The following OR51B5 variants were observed in gnomAD, a reference collection of about 807,000 sequenced individuals.
OR51B5 encodes olfactory receptor 51B5.
For missense variants in OR51B5, 456 were observed against 374.6 expected, an observed-to-expected ratio of 1.22 and a Z score of -1.79; for synonymous variants, 186 against 144.8, an observed-to-expected ratio of 1.28 and a Z score of -2.04.
At chr11:5,422,880 T>A in intron 1 of OR51B5, 2 of 1,614,116 alleles carry the variant, frequency 1.2e-6, no homozygotes, top group South Asian at 1.1e-5. Context: ...CTGAAAAATA[T>A]CTTGGGCACA....
intron 1 of OR51B5, among the ~76,000 whole-genome samples, chr11:5,477,535 C>T (rs1011854773): frequency 1.1e-4 from 16 of 152,296 alleles, no homozygotes; most frequent in South Asian, 2.1e-4. Flanking sequence ...GGAACAGCTC[C>T]GGTCTACAGC....
chr11:5,389,553 C>T, intron 1 of OR51B5: 1 of 1,613,968 alleles, frequency 6.2e-7, no homozygotes. Flanking sequence ...GTTGCCATCT[C>T]AGGCAATTGT....
rs10688772 is a variant in OR51B5, at chr11:5,349,404, G to GTTT, written n.85-2497_85-2495dup. The stretch of plus-strand genomic sequence containing the variant: ...TTCCCTATCTGGTATTCCTACTCCT[G>GTTT]TTTTTTTTTAATTTATCAATTATAT... On this transcript the variant is annotated intron_variant and non_coding_transcript_variant, in intron 1 of 4. Transcript: ENST00000415970. Among the ~76,000 whole-genome samples the GTTT allele has an allele frequency of 1.6e-3, 244 of 150,558 alleles. 3 individuals carry two copies. The South Asian group carries it at 0.023, about 14-fold the overall frequency.
intron 1 of OR51B5, among the ~76,000 whole-genome samples, chr11:5,418,294 T>C (rs1262203583): frequency 6.6e-6 from 1 of 151,992 alleles, no homozygotes; most frequent in African/African-American, 2.4e-5. Flanking sequence ...TTGGGAGATA[T>C]ACCTAATGCT....
At position 5,351,587 on chromosome 11, in the gene OR51B5, T is replaced by C. The variant is rs1849088016; in HGVS notation, n.85-4677A>G. On this transcript the variant is annotated intron_variant and non_coding_transcript_variant, in intron 1 of 4. Coordinates refer to the OR51B5 transcript ENST00000415970. ...GAGAAGGCACATCACTGGATATTCA[T>C]CCCATTATTGGCAGCCTACATCTCC... 3.7e-6 allele frequency: 6 copies of C among 1,614,012 alleles called. No homozygotes were observed. In the African/African-American group the frequency reaches 6.7e-5, roughly 18 times the overall value.
intron 1 of OR51B5, among the ~76,000 whole-genome samples, chr11:5,460,133 A>C (rs1851026054): frequency 6.6e-6 from 1 of 152,204 alleles, no homozygotes. Flanking sequence ...ATTCTTAGCA[A>C]ACTAATGCAG....
Position 5,358,433 on chromosome 11 carries a change from A to C in OR51B5, n.85-11523T>G, listed in dbSNP as rs534863198. Among the ~76,000 whole-genome samples, 183 of 152,346 alleles carry C rather than the reference A, an allele frequency of 1.2e-3. 1 individual carries two copies. The highest frequency in any genetic ancestry group is 4.2e-3 in the African/African-American group (173 of 41,586). On this transcript the variant is annotated intron_variant and non_coding_transcript_variant, in intron 1 of 4. Transcript: ENST00000415970. ...TCCTTGACACATACACCCTCCCAAG[A>C]CTAAACCAGGAAGAAGTTGAATCTC...
At chr11:5,453,653 C>T (rs543574678) in intron 1 of OR51B5, 6 of 1,613,468 alleles carry the variant, frequency 3.7e-6, no homozygotes, top group Non-Finnish European at 5.1e-6. Flanking sequence ...AGCCCAGCCT[C>T]CATGAGCCCA....
chr11:5,372,184 G>T (rs115363681), intron 1 of OR51B5, among the ~76,000 whole-genome samples: 32 of 152,266 alleles, frequency 2.1e-4, no homozygotes, highest in African/African-American at 7.5e-4. Context: ...ATACCACTTA[G>T]ATTGTTTCCA....
chr11:5,495,009 T>G (rs1851628180), intron 1 of OR51B5, among the ~76,000 whole-genome samples: 1 of 152,114 alleles, frequency 6.6e-6, no homozygotes, highest in Non-Finnish European at 1.5e-5. Context: ...GAAGGGACAT[T>G]AGCAACATAA....
chr11:5,387,456 C>T (rs545618381), intron 1 of OR51B5, among the ~76,000 whole-genome samples: 2 of 152,070 alleles, frequency 1.3e-5, no homozygotes, highest in South Asian at 4.1e-4. Flanking sequence ...TAAATGTGGA[C>T]TATTTTTTAC....
At chr11:5,347,532 T>C (rs145054543), upstream of OR51B5, among the ~76,000 whole-genome samples, 1 of 152,216 alleles carries the variant, frequency 6.6e-6, no homozygotes, top group African/African-American at 2.4e-5. Context: ...CACTTTGTGA[T>C]GGCAATTATT....
intron 1 of OR51B5, among the ~76,000 whole-genome samples, chr11:5,494,457 A>G (rs1002461486): frequency 1.3e-5 from 2 of 152,160 alleles, no homozygotes; most frequent in Non-Finnish European, 2.9e-5. Context: ...TGAGTTCTTC[A>G]TTCAGCACAG....
chr11:5,389,254 G>A (rs1055061930), intron 1 of OR51B5: 2 of 798,680 alleles, frequency 2.5e-6, no homozygotes, highest in Non-Finnish European at 4.0e-6. Flanking sequence ...ATAAAGTAGT[G>A]AGATTGGCAG....
chr11:5,414,985 C>T (rs1303753887), intron 1 of OR51B5, among the ~76,000 whole-genome samples: 1 of 152,084 alleles, frequency 6.6e-6, no homozygotes, highest in Non-Finnish European at 1.5e-5. Flanking sequence ...TTTTTCAGCA[C>T]CACACCACAC....
chr11:5,360,732 G>A (rs1450423026), intron 1 of OR51B5, among the ~76,000 whole-genome samples: 3 of 150,426 alleles, frequency 2.0e-5, no homozygotes, highest in African/African-American at 7.3e-5. Context: ...CAAAGACTTG[G>A]AACCAACCCA....
At chr11:5,484,621 A>T (rs1396950855) in intron 1 of OR51B5, among the ~76,000 whole-genome samples, 1 of 152,180 alleles carries the variant, frequency 6.6e-6, no homozygotes, top group Non-Finnish European at 1.5e-5. Flanking sequence ...TACTCCACAA[A>T]GACATGTGTT....
intron 1 of OR51B5, among the ~76,000 whole-genome samples, chr11:5,460,161 T>C (rs1315175590): frequency 6.6e-6 from 1 of 152,132 alleles, no homozygotes; most frequent in East Asian, 1.9e-4. Context: ...AAACCACATG[T>C]TCTCACCTAT....
intron 1 of OR51B5, chr11:5,454,486 G>C (rs1209576944): frequency 7.7e-7 from 1 of 1,292,992 alleles, no homozygotes; most frequent in African/African-American, 1.5e-5. Flanking sequence ...CAGTAGCATC[G>C]TCATCATCAT....
Sources: gnomAD v4.1 joint callset for allele counts (sites outside exome capture counted in the v4.1 genomes callset) on GRCh38, gnomAD v4.1.1 for gene constraint, MANE v1.5 for transcripts, NCBI Gene and HGNC (gene_info 2026-07-23, HGNC 2026-07-21) for gene names.